The following ZNF705G variants were observed in gnomAD, a reference collection of about 807,000 sequenced individuals.
ZNF705G encodes zinc finger protein 705G.
A neutral mutation model predicts 19.6 loss-of-function variants in ZNF705G; 23 were observed. The ratio of observed to expected loss-of-function variants is 1.17; its 90% CI spans 0.84 to 1.66. ZNF705G has a LOEUF of 1.66. ZNF705G is among the 40% of genes most tolerant of loss of function. The pLI is 0.00. For synonymous variants in ZNF705G, 146 were observed against 117.7 expected, an observed-to-expected ratio of 1.24 and a Z score of -1.56; for missense variants, 457 against 354.4, an observed-to-expected ratio of 1.29 and a Z score of -2.32.
intron 2 of ZNF705G, among the ~76,000 whole-genome samples, chr8:7,368,893 T>G (rs1159792941): frequency 6.7e-6 from 1 of 149,668 alleles, no homozygotes; most frequent in African/African-American, 2.6e-5. Flanking sequence ...CCATGAGGTA[T>G]TAAACCTGCA....
chr8:7,377,977 A>AT (rs1807314017), intron 2 of ZNF705G, among the ~76,000 whole-genome samples: 1 of 137,410 alleles, frequency 7.3e-6, no homozygotes, highest in Non-Finnish European at 1.5e-5. Context: ...AAAAAAAAAA[A>AT]AGTTTATATT....
chr8:7,357,511 G>C lies in ZNF705G; in HGVS notation c.*465C>G, dbSNP rs1165828107. On this transcript the variant is annotated 3_prime_UTR_variant, in exon 7 of 7. Coordinates refer to ENST00000400156, the MANE Select transcript of ZNF705G (RefSeq NM_001164457.3). ...TTTTCACACTGAATGCAGAGTTAGA[G>C]ATTCTCTACCTGAAAGTCCCACATG... 1 of 195,770 alleles carries C rather than the reference G, an allele frequency of 5.1e-6. No homozygotes were observed. Among genetic ancestry groups the C allele is most frequent in the Admixed American group, 5.2e-5 (1 of 19,060 alleles). 12.1% of individuals were successfully genotyped at this position (195,770 alleles called of 1,614,324 possible).
intron 2 of ZNF705G, among the ~76,000 whole-genome samples, chr8:7,366,604 A>G (rs1188138683): frequency 6.7e-6 from 1 of 149,716 alleles, no homozygotes; most frequent in Non-Finnish European, 1.5e-5. Context: ...ATAGTACGTA[A>G]AAGTACCAAT....
chr8:7,357,844 T>A lies in ZNF705G; in HGVS notation c.*132A>T. ...CACCGTGTCATCTAAAGTCAGAATA[T>A]GTTCTGAAGAAGTTTATAATTTTCT... On this transcript the variant is annotated 3_prime_UTR_variant, in exon 7 of 7. Transcript: ENST00000400156. The A allele has an allele frequency of 7.3e-7, 1 of 1,377,484 alleles. No homozygotes were observed. The highest frequency in any genetic ancestry group is 9.7e-7 in the Non-Finnish European group (1 of 1,033,228). The allele number at this position is 1,377,484 out of a possible 1,614,324, so 85.3% of individuals were successfully genotyped here. A position where few individuals can be genotyped will look rare whatever the true frequency, so the allele number is the denominator to read the frequency against.
intron 2 of ZNF705G, among the ~76,000 whole-genome samples, chr8:7,379,902 C>A (rs1400543505): frequency 6.9e-6 from 1 of 144,956 alleles, no homozygotes; most frequent in Non-Finnish European, 1.5e-5. Flanking sequence ...AGACTACATC[C>A]TGCCCTGGGG....
chr8:7,366,570 G>A (rs3989718), intron 2 of ZNF705G, among the ~76,000 whole-genome samples: 2 of 149,552 alleles, frequency 1.3e-5, no homozygotes, highest in African/African-American at 2.6e-5. Context: ...TAAAGTACAT[G>A]ATGAAAAATA....
At chr8:7,368,733 C>A (rs1478776448) in intron 2 of ZNF705G, among the ~76,000 whole-genome samples, 4 of 149,688 alleles carry the variant, frequency 2.7e-5, no homozygotes, top group Admixed American at 6.6e-5. Context: ...AGGGAAGAAT[C>A]ATTTTGTGAG....
At chr8:7,379,416 A>C (rs1807390389) in intron 2 of ZNF705G, among the ~76,000 whole-genome samples, 2 of 147,330 alleles carry the variant, frequency 1.4e-5, no homozygotes, top group South Asian at 4.2e-4. Flanking sequence ...GTCACATAGA[A>C]TATTATCCTC....
At chr8:7,383,717 AAG>A (rs1807608251) in intron 1 of ZNF705G, among the ~76,000 whole-genome samples, 2 of 149,452 alleles carry the variant, frequency 1.3e-5, no homozygotes, top group East Asian at 3.9e-4. Flanking sequence ...GCCCTTATAA[AAG>A]AGGCCTGAAG....
chr8:7,360,323 A>T lies in ZNF705G; in HGVS notation c.149T>A (p.Ile50Lys). Residue 50 changes from isoleucine (I) to lysine (K), a missense_variant, in exon 5 of 7, where the codon ATA becomes AAA. By Grantham distance (102) the Ile-to-Lys change is moderately radical. Transcript: ENST00000400156. The part of the protein sequence containing the change: ...ISHLVSLGYQ[I>K]SKSYIILQLE... ...CTGCAAAATTATATAGGATTTGCTT[A>T]TCTGGTACCCTGTTAGTGGAAAGAA... The T allele has an allele frequency of 6.3e-7, 1 of 1,588,946 alleles. No individual in the cohort carries two copies. The highest frequency in any genetic ancestry group is 2.2e-5 in the East Asian group (1 of 44,836).
intron 2 of ZNF705G, among the ~76,000 whole-genome samples, chr8:7,366,039 G>C (rs1806840204): frequency 6.7e-6 from 1 of 149,568 alleles, no homozygotes; most frequent in Non-Finnish European, 1.5e-5. Flanking sequence ...GGAAACAGCA[G>C]CTGACATTCT....
rs1563287707 is a variant in ZNF705G at position 7,358,115 on chromosome 8, C to T, written c.764G>A (p.Cys255Tyr). The change falls in exon 7 of 7, where the codon TGT becomes TAT. Residue 255 changes from cysteine to tyrosine, a missense_variant. Coordinates refer to ENST00000400156, the MANE Select transcript of ZNF705G (RefSeq NM_001164457.3). ...RHERTHLGKK[C>Y]YECDKSGKAF... ...TTTCCCACTTTTATCACATTCATAACACTTTTTTCCAAGGTGAGTTCTCTC... is the reference window on the plus strand; with the variant it reads ...TTTCCCACTTTTATCACATTCATAATACTTTTTTCCAAGGTGAGTTCTCTC... The T allele has an allele frequency of 1.2e-6, 2 of 1,607,696 alleles. No individual in the cohort carries two copies. Among genetic ancestry groups the T allele is most frequent in the South Asian group, 1.1e-5 (1 of 90,716 alleles).
At chr8:7,359,799 G>A (rs569616306) in intron 5 of ZNF705G, 98 bp from the exon 6 acceptor site, 84 of 1,553,842 alleles carry the variant, frequency 5.4e-5, no homozygotes, top group Middle Eastern at 4.7e-4. Flanking sequence ...AAATTGACAC[G>A]TAGATGTGGC....
At chr8:7,369,874 T>A (rs1807017996) in intron 2 of ZNF705G, among the ~76,000 whole-genome samples, 1 of 148,764 alleles carries the variant, frequency 6.7e-6, no homozygotes, top group Non-Finnish European at 1.5e-5. Context: ...CAACAGATAC[T>A]GGGAACTACT....
chr8:7,359,109 T>C (rs1488000323), intron 6 of ZNF705G, among the ~76,000 whole-genome samples: 2 of 149,632 alleles, frequency 1.3e-5, no homozygotes, highest in Admixed American at 1.3e-4. Flanking sequence ...TCTACCCACC[T>C]TTTACATGAA....
At chr8:7,382,271 T>G in intron 1 of ZNF705G, among the ~76,000 whole-genome samples, 1 of 147,980 alleles carries the variant, frequency 6.8e-6, no homozygotes, top group Non-Finnish European at 1.5e-5. Flanking sequence ...ATGGCATGGC[T>G]GTAACCTGAG....
chr8:7,361,627 T>C (rs1806602733), intron 3 of ZNF705G, among the ~76,000 whole-genome samples: 1 of 149,740 alleles, frequency 6.7e-6, no homozygotes, highest in African/African-American at 2.6e-5. Context: ...GATTTACTAC[T>C]TCTTAAGCAT....
chr8:7,361,069 A>C (rs758345481), intron 4 of ZNF705G, 41 bp downstream of exon 4: 1 of 1,592,754 alleles, frequency 6.3e-7, no homozygotes, highest in Admixed American at 1.7e-5. Flanking sequence ...TGAATGAGTG[A>C]ATGTGTCTCT....
In ZNF705G at chr8:7,361,207, A is replaced by C. The variant is rs200280687; in HGVS notation, c.42T>G (p.Ile14Met). ...TGGCCCACTCTTCCTGGGTGAAGTC[A>C]ATAGCTACATCTTCAAAAGTCAGTT... ...LKKLTFEDVA[I>M]DFTQEEWAMM... The change falls in exon 4 of 7, where the codon ATT becomes ATG. Residue 14 changes from isoleucine (I) to methionine (M), a missense_variant. Physicochemically the swap from Ile to Met is conservative, Grantham distance 10. Transcript: ENST00000400156. 1.6e-3 allele frequency: 2,505 copies of C among 1,592,084 alleles called. 239 individuals carry two copies. In the African/African-American group the frequency reaches 0.02, roughly 13 times the overall value.
Sources: allele counts gnomAD v4.1 joint callset (sites outside exome capture counted in the v4.1 genomes callset), GRCh38; gene constraint gnomAD v4.1.1; transcripts MANE v1.5; gene names NCBI Gene and HGNC (gene_info 2026-07-23, HGNC 2026-07-21).